The following ERBB4 variants were observed in gnomAD, a reference collection of about 807,000 sequenced individuals.
The protein encoded by ERBB4 is receptor tyrosine-protein kinase erbB-4.
ERBB4 carries 42 observed loss-of-function variants against 158.0 expected under a neutral mutation model. The observed-to-expected ratio is 0.27, with a 90% confidence interval of 0.21 to 0.34. ERBB4 has a LOEUF of 0.34. Ranked by LOEUF, ERBB4 falls within the 10% of genes least tolerant of loss-of-function variation. The pLI, the probability that ERBB4 is intolerant of heterozygous loss-of-function variation, is 1.00. For missense variants in ERBB4, 1,333 were observed against 1,624.1 expected, an observed-to-expected ratio of 0.82 and a Z score of 3.08; for synonymous variants, 583 against 558.7, an observed-to-expected ratio of 1.04 and a Z score of -0.61.
chr2:211,380,944 T>C lies in ERBB4; in HGVS notation c.*2671A>G, dbSNP rs1177196390. 2 of 231,144 alleles carry C rather than the reference T, an allele frequency of 8.7e-6. No individual in the cohort carries two copies. Among genetic ancestry groups the C allele is most frequent in the African/African-American group, 2.2e-5 (1 of 45,020 alleles). 14.3% of individuals were successfully genotyped at this position (231,144 alleles called of 1,614,324 possible). On this transcript the variant is annotated 3_prime_UTR_variant, in exon 28 of 28. Transcript: ENST00000342788. ...GTAGAAACCATATGCATATTGTAAA[T>C]CAGAAAAAAAAAATCAAGGTATAGT...
At chr2:211,562,547 T>C (rs1031286062) in intron 19 of ERBB4, among the ~76,000 whole-genome samples, 1 of 152,082 alleles carries the variant, frequency 6.6e-6, no homozygotes, top group African/African-American at 2.4e-5. Context: ...TTGGACAGCT[T>C]ACAACGGTGT....
chr2:211,387,271 GT>G lies in ERBB4; in HGVS notation c.3184-122del, dbSNP rs201174043. The G allele has an allele frequency of 4.6e-5, 40 of 878,692 alleles. 1 individual carries two copies. The Admixed American group carries it at 5.1e-4, about 11-fold the overall frequency. 54.4% of individuals were successfully genotyped at this position (878,692 alleles called of 1,614,324 possible). On this transcript the variant is annotated intron_variant, in intron 26 of 27. Coordinates refer to ENST00000342788, the MANE Select transcript of ERBB4 (RefSeq NM_005235.3). ...CAGAGAATAGTCATAGTATTTACTG[GT>G]TTTTTTTCCCCTAGTGGCTAATGGA...
chr2:212,335,948 G>T (rs73068301), intron 1 of ERBB4, among the ~76,000 whole-genome samples: 2,384 of 152,002 alleles, frequency 0.016, 50 homozygotes, highest in African/African-American at 0.054. Flanking sequence ...TCTACTCACA[G>T]TCTTTATTGT....
At chr2:212,223,425 A>T (rs917253489) in intron 1 of ERBB4, among the ~76,000 whole-genome samples, 9 of 76,488 alleles carry the variant, frequency 1.2e-4, no homozygotes, top group African/African-American at 2.4e-4. Flanking sequence ...ATATATATAT[A>T]TATTTTTTTT....
intron 15 of ERBB4, among the ~76,000 whole-genome samples, chr2:211,660,068 T>C (rs1007166466): frequency 6.6e-6 from 1 of 151,946 alleles, no homozygotes; most frequent in Admixed American, 6.6e-5. Flanking sequence ...TACAAATAAT[T>C]CTTAGTAGTT....
intron 1 of ERBB4, among the ~76,000 whole-genome samples, chr2:212,149,870 AG>A (rs1358166191): frequency 2.0e-5 from 3 of 152,178 alleles, no homozygotes; most frequent in African/African-American, 7.2e-5. Context: ...GACAATACAA[AG>A]TGTCATGGGA....
At chr2:211,564,251 G>T (rs2067486921) in intron 19 of ERBB4, among the ~76,000 whole-genome samples, 1 of 152,098 alleles carries the variant, frequency 6.6e-6, no homozygotes, top group African/African-American at 2.4e-5. Flanking sequence ...AACACCAAAG[G>T]CTGAGGAGTA....
intron 20 of ERBB4, among the ~76,000 whole-genome samples, chr2:211,458,293 T>C (rs1437980428): frequency 2.7e-5 from 4 of 150,918 alleles, no homozygotes; most frequent in African/African-American, 9.7e-5. Flanking sequence ...TTTGAGACAA[T>C]GTCTTGCTCT....
intron 5 of ERBB4, among the ~76,000 whole-genome samples, chr2:211,734,233 A>T (rs2074526788): frequency 6.6e-6 from 1 of 152,168 alleles, no homozygotes; most frequent in Admixed American, 6.6e-5. Context: ...AAACTGAAAT[A>T]AACTTACTTG....
intron 4 of ERBB4, among the ~76,000 whole-genome samples, chr2:211,773,401 T>G (rs79759597): frequency 0.019 from 2,831 of 150,990 alleles, 134 homozygotes; most frequent in East Asian, 0.15. Flanking sequence ...GAATTTTTTA[T>G]ATACTCATAT....
chr2:211,900,416 C>T (rs1044401173), intron 3 of ERBB4, among the ~76,000 whole-genome samples: 3 of 151,360 alleles, frequency 2.0e-5, no homozygotes, highest in Non-Finnish European at 3.0e-5. Context: ...TTGCCTTCCT[C>T]ATAATAGACT....
At chr2:212,057,582 C>T (rs554281611) in intron 2 of ERBB4, among the ~76,000 whole-genome samples, 1 of 152,192 alleles carries the variant, frequency 6.6e-6, no homozygotes, top group Non-Finnish European at 1.5e-5. Context: ...CAAACTGTCT[C>T]TCAGACCACA....
At chr2:212,391,722 A>G (rs997406365) in intron 1 of ERBB4, among the ~76,000 whole-genome samples, 6 of 140,234 alleles carry the variant, frequency 4.3e-5, no homozygotes, top group Non-Finnish European at 9.1e-5. Flanking sequence ...TGACATATAT[A>G]TTATATATAT....
chr2:212,519,252 G>A (rs1231764162), intron 1 of ERBB4, among the ~76,000 whole-genome samples: 1 of 151,846 alleles, frequency 6.6e-6, no homozygotes, highest in East Asian at 1.9e-4. Context: ...TAATTTGAAT[G>A]CTTAAAAAAA....
At chr2:212,396,590 A>G (rs1216600622) in intron 1 of ERBB4, among the ~76,000 whole-genome samples, 1 of 152,124 alleles carries the variant, frequency 6.6e-6, no homozygotes, top group African/African-American at 2.4e-5. Context: ...AGCTATTATT[A>G]CCCTTACAGA....
chr2:211,613,452 C>T (rs1379429891), intron 19 of ERBB4, among the ~76,000 whole-genome samples: 1 of 148,284 alleles, frequency 6.7e-6, no homozygotes, highest in Non-Finnish European at 1.5e-5. Context: ...GAGGCTCCTG[C>T]TGATTGCTTA....
rs576941371 is a variant in ERBB4, at chr2:211,743,784, T to C, written c.622+6855A>G. On this transcript the variant is annotated intron_variant, in intron 5 of 27. Coordinates refer to ENST00000342788, the MANE Select transcript of ERBB4 (RefSeq NM_005235.3). Reference sequence around the variant, plus strand: ...TTACTTAAGCTGTGCTGTGGAGCAATGCAGCCACCATTTAACTGAGCTTAA... The same window carrying C: ...TTACTTAAGCTGTGCTGTGGAGCAACGCAGCCACCATTTAACTGAGCTTAA... 2.6e-5 allele frequency among the ~76,000 whole-genome samples: 4 copies of C among 152,312 alleles called. No homozygotes were observed. In the South Asian group the frequency reaches 6.2e-4, roughly 24 times the overall value.
intron 1 of ERBB4, among the ~76,000 whole-genome samples, chr2:212,326,058 G>A (rs1332740089): frequency 6.6e-6 from 1 of 150,492 alleles, no homozygotes; most frequent in Non-Finnish European, 1.5e-5. Context: ...AAATCTTGCT[G>A]TATTTTATCC....
intron 1 of ERBB4, among the ~76,000 whole-genome samples, chr2:212,502,146 T>C (rs1690928365): frequency 1.3e-5 from 2 of 152,064 alleles, no homozygotes; most frequent in South Asian, 2.1e-4. Context: ...AGAGCACATT[T>C]TTCTCCTTTA....
Sources: gnomAD v4.1 joint callset for allele counts (sites outside exome capture counted in the v4.1 genomes callset) on GRCh38, gnomAD v4.1.1 for gene constraint, MANE v1.5 for transcripts, NCBI Gene and HGNC (gene_info 2026-07-23, HGNC 2026-07-21) for gene names.